Variants in SAMMSON observed in about 807,000 individuals in gnomAD.
SAMMSON encodes survival associated mitochondrial melanoma specific oncogenic non-coding RNA.
At chr3:70,274,120 G>A (rs1204918301) in intron 6 of SAMMSON, among the ~76,000 whole-genome samples, 1 of 148,780 alleles carries the variant, frequency 6.7e-6, no homozygotes, top group Non-Finnish European at 1.5e-5. Flanking sequence ...TGTGAGACTG[G>A]GCTAAAGAAA....
chr3:70,393,380 T>G (rs577456824), downstream of SAMMSON, among the ~76,000 whole-genome samples: 1 of 152,194 alleles, frequency 6.6e-6, no homozygotes, highest in Non-Finnish European at 1.5e-5. Context: ...GCTTAACACC[T>G]CAGTTGATTT....
chr3:70,264,436 C>T (rs187655475), intron 6 of SAMMSON, among the ~76,000 whole-genome samples: 51 of 152,306 alleles, frequency 3.3e-4, no homozygotes, highest in Admixed American at 1.2e-3. Context: ...AACTGAATAT[C>T]GGCTTGCTAA....
At chr3:70,256,313 T>C (rs1178538327) in intron 6 of SAMMSON, among the ~76,000 whole-genome samples, 3 of 152,230 alleles carry the variant, frequency 2.0e-5, no homozygotes, top group Admixed American at 2.0e-4. Context: ...GTACTCGTTA[T>C]GTGAAAGACA....
In SAMMSON at chr3:70,058,920, G is replaced by T. The variant is rs1041086467; in HGVS notation, n.418-12556G>T. On this transcript the variant is annotated intron_variant and non_coding_transcript_variant, in intron 3 of 9. Coordinates refer to ENST00000642114, the Ensembl canonical transcript of SAMMSON. ...TTGTATCTAGTTTGTAGGATCCCAA[G>T]CCCTAAGCCTATAGGAACTATCACT... Among the ~76,000 whole-genome samples, 4 of 152,144 alleles carry T rather than the reference G, an allele frequency of 2.6e-5. No homozygotes were observed. The South Asian group carries it at 8.3e-4, about 32-fold the overall frequency.
chr3:70,116,667 A>G (rs902753556), intron 4 of SAMMSON, among the ~76,000 whole-genome samples: 9 of 152,088 alleles, frequency 5.9e-5, no homozygotes, highest in African/African-American at 2.2e-4. Context: ...CTCTATAACT[A>G]CCGTGTTTTG....
At chr3:70,083,573 T>C (rs1429848583) in intron 4 of SAMMSON, among the ~76,000 whole-genome samples, 1 of 152,216 alleles carries the variant, frequency 6.6e-6, no homozygotes, top group East Asian at 1.9e-4. Context: ...TTGCTGGATT[T>C]CTTTGAATGC....
At chr3:70,023,859 C>A (rs1272139272) in intron 3 of SAMMSON, among the ~76,000 whole-genome samples, 4 of 152,152 alleles carry the variant, frequency 2.6e-5, no homozygotes, top group African/African-American at 9.7e-5. Context: ...GTTTGCCAAC[C>A]TGTTATTGAG....
At chr3:70,320,241 GA>G (rs1320419045) in intron 7 of SAMMSON, among the ~76,000 whole-genome samples, 1 of 152,066 alleles carries the variant, frequency 6.6e-6, no homozygotes, top group African/African-American at 2.4e-5. Flanking sequence ...GAAGCAGTGG[GA>G]AAAGGGATCA....
At chr3:70,070,508 T>C (rs1398912085) in intron 3 of SAMMSON, among the ~76,000 whole-genome samples, 1 of 151,996 alleles carries the variant, frequency 6.6e-6, no homozygotes, top group Non-Finnish European at 1.5e-5. Flanking sequence ...TTGCCAAATA[T>C]CTTACTCTTT....
At chr3:70,393,288 G>A (rs1052897954), downstream of SAMMSON, among the ~76,000 whole-genome samples, 8 of 152,166 alleles carry the variant, frequency 5.3e-5, no homozygotes, top group African/African-American at 1.7e-4. Flanking sequence ...GGGCAAGTCC[G>A]TAAAACTCTA....
At chr3:70,340,377 A>G (rs1315117313) in intron 7 of SAMMSON, among the ~76,000 whole-genome samples, 1 of 110,834 alleles carries the variant, frequency 9.0e-6, no homozygotes, top group Non-Finnish European at 2.0e-5. Flanking sequence ...TGTATCATAG[A>G]ACTAAAGTAT....
chr3:70,318,047 C>G (rs898488013), intron 7 of SAMMSON, among the ~76,000 whole-genome samples: 97 of 151,118 alleles, frequency 6.4e-4, no homozygotes, highest in African/African-American at 2.3e-3. Context: ...ACTGTTTTTT[C>G]TTTTTCTTTC....
intron 3 of SAMMSON, among the ~76,000 whole-genome samples, chr3:70,023,795 A>T (rs1165822185): frequency 6.6e-6 from 1 of 152,164 alleles, no homozygotes; most frequent in African/African-American, 2.4e-5. Flanking sequence ...ATGTATTCCA[A>T]TAAAACTTTA....
At chr3:70,430,669 A>T (rs2106779791) in intron 2 of SAMMSON, among the ~76,000 whole-genome samples, 1 of 152,276 alleles carries the variant, frequency 6.6e-6, no homozygotes, top group African/African-American at 2.4e-5. Flanking sequence ...ATATTTTACC[A>T]TTATTTTTAC....
intron 4 of SAMMSON, among the ~76,000 whole-genome samples, chr3:70,210,942 C>A (rs1284925381): frequency 6.6e-6 from 1 of 151,992 alleles, no homozygotes; most frequent in East Asian, 1.9e-4. Context: ...TTATTGAGTA[C>A]CCACATGCAA....
At chr3:70,040,472 T>C (rs1432500064) in intron 3 of SAMMSON, among the ~76,000 whole-genome samples, 1 of 152,164 alleles carries the variant, frequency 6.6e-6, no homozygotes, top group Admixed American at 6.6e-5. Context: ...CATCATTCTA[T>C]CCTTTGTAGA....
intron 2 of SAMMSON, among the ~76,000 whole-genome samples, chr3:70,395,982 A>G (rs559558893): frequency 6.6e-6 from 1 of 152,100 alleles, no homozygotes; most frequent in Non-Finnish European, 1.5e-5. Flanking sequence ...TCTTTTTAAA[A>G]CTTCAATAAT....
intron 7 of SAMMSON, among the ~76,000 whole-genome samples, chr3:70,350,236 AT>A (rs1329756609): frequency 6.6e-6 from 1 of 152,190 alleles, no homozygotes; most frequent in Non-Finnish European, 1.5e-5. Flanking sequence ...TTGCTCTAAC[AT>A]TTTTTGATCT....
chr3:70,306,355 C>T (rs1043845725), intron 7 of SAMMSON, among the ~76,000 whole-genome samples: 33 of 152,186 alleles, frequency 2.2e-4, no homozygotes, highest in African/African-American at 8.0e-4. Flanking sequence ...TCATGATCTA[C>T]CCGCCTCGGC....
Sources: allele counts gnomAD v4.1 joint callset (sites outside exome capture counted in the v4.1 genomes callset), GRCh38; gene constraint gnomAD v4.1.1; transcripts MANE v1.5; gene names NCBI Gene and HGNC (gene_info 2026-07-23, HGNC 2026-07-21).